RYR3: variants seen among roughly 807,000 people sequenced by gnomAD.
RYR3 encodes brain ryanodine receptor-calcium release channel.
In RYR3, 207 loss-of-function variants were observed where a neutral mutation model predicts 584.3. The ratio of observed to expected loss-of-function variants is 0.35; its 90% CI spans 0.32 to 0.40. The LOEUF (loss-of-function observed/expected upper bound fraction) is 0.40, where lower values mean the gene tolerates loss of function less well. Ranked by LOEUF, RYR3 falls within the 10% of genes least tolerant of loss-of-function variation. The pLI is 1.00. For missense variants in RYR3, 5,616 were observed against 6,089.2 expected (o/e 0.92, Z 2.59); for synonymous variants, 2,416 against 2,248.5 (o/e 1.07, Z -2.11).
intron 2 of RYR3, among the ~76,000 whole-genome samples, chr15:33,483,156 C>G (rs974007596): frequency 6.6e-6 from 1 of 151,794 alleles, no homozygotes; most frequent in Non-Finnish European, 1.5e-5. Flanking sequence ...TAAGATTCTT[C>G]TTTCTCCTCC....
At chr15:33,509,367 G>C (rs899847421) in intron 3 of RYR3, among the ~76,000 whole-genome samples, 1 of 152,056 alleles carries the variant, frequency 6.6e-6, no homozygotes, top group East Asian at 1.9e-4. Context: ...AGAAGAAAAG[G>C]GGAACCACCA....
At chr15:33,443,222 G>A (rs1471663109) in intron 1 of RYR3, among the ~76,000 whole-genome samples, 8 of 150,724 alleles carry the variant, frequency 5.3e-5, no homozygotes, top group East Asian at 2.0e-4. Flanking sequence ...TTGCACCACT[G>A]CACTCCAGCC....
intron 70 of RYR3, 53 bp downstream of exon 70, chr15:33,807,622 G>A: frequency 3.3e-6 from 5 of 1,523,936 alleles, no homozygotes; most frequent in Non-Finnish European, 4.5e-6. Flanking sequence ...AGAGGTGCCG[G>A]GCTCTGGCCC....
At chr15:33,340,439 G>A (rs531859749) in intron 1 of RYR3, among the ~76,000 whole-genome samples, 11 of 152,300 alleles carry the variant, frequency 7.2e-5, no homozygotes, top group South Asian at 4.1e-4. Flanking sequence ...AAGACATGGC[G>A]TGTTAGCCTG....
At chr15:33,360,234 A>G (rs1974573754) in intron 1 of RYR3, among the ~76,000 whole-genome samples, 1 of 152,132 alleles carries the variant, frequency 6.6e-6, no homozygotes, top group Admixed American at 6.5e-5. Context: ...CAGTCGTGAG[A>G]TAGGACAGTT....
At chr15:33,500,534 G>C (rs1341136047) in intron 2 of RYR3, among the ~76,000 whole-genome samples, 1 of 152,186 alleles carries the variant, frequency 6.6e-6, no homozygotes, top group South Asian at 2.1e-4. Flanking sequence ...GCCTCTCAAG[G>C]TTTCCTGTAG....
chr15:33,645,345 C>T (rs959876227), intron 28 of RYR3, among the ~76,000 whole-genome samples: 2 of 152,114 alleles, frequency 1.3e-5, no homozygotes, highest in Admixed American at 6.5e-5. Flanking sequence ...AAAAAAAATG[C>T]CAGACAAATC....
chr15:33,371,715 C>T (rs2040345941), intron 1 of RYR3, among the ~76,000 whole-genome samples: 2 of 152,162 alleles, frequency 1.3e-5, no homozygotes, highest in Non-Finnish European at 2.9e-5. Flanking sequence ...TTTCTGGGAA[C>T]CAATGACTGA....
chr15:33,737,907 T>C (rs1196438870), intron 49 of RYR3, among the ~76,000 whole-genome samples: 1 of 151,998 alleles, frequency 6.6e-6, no homozygotes, highest in Admixed American at 6.6e-5. Flanking sequence ...GATGTGAAAC[T>C]GCTGTAAAGT....
chr15:33,347,430 T>C (rs1407425047), intron 1 of RYR3, among the ~76,000 whole-genome samples: 1 of 151,994 alleles, frequency 6.6e-6, no homozygotes, highest in African/African-American at 2.4e-5. Flanking sequence ...TCATGTTGTG[T>C]CAGATTTGGA....
intron 74 of RYR3, among the ~76,000 whole-genome samples, chr15:33,814,637 T>C (rs966320713): frequency 2.0e-5 from 3 of 152,024 alleles, no homozygotes; most frequent in African/African-American, 7.2e-5. Context: ...AGTGGCTCAC[T>C]CCTGTAATCC....
chr15:33,789,959 C>G (rs181174717), intron 67 of RYR3, among the ~76,000 whole-genome samples: 34 of 139,568 alleles, frequency 2.4e-4, no homozygotes, highest in African/African-American at 7.8e-4. Flanking sequence ...TTACAGATTA[C>G]AGGCGTGAGC....
At chr15:33,559,052 C>T (rs1470062623) in intron 10 of RYR3, among the ~76,000 whole-genome samples, 1 of 152,066 alleles carries the variant, frequency 6.6e-6, no homozygotes, top group African/African-American at 2.4e-5. Flanking sequence ...TGGTACCGGC[C>T]CTGGGGAGAT....
At position 33,834,904 on chromosome 15, in the gene RYR3, A is replaced by C. The variant is rs887226431; in HGVS notation, c.11464-64A>C. 11 of 1,301,674 alleles carry C rather than the reference A, an allele frequency of 8.5e-6. No individual in the cohort carries two copies. In the Admixed American group the frequency reaches 2.0e-4, roughly 23 times the overall value. 80.6% of individuals were successfully genotyped at this position (1,301,674 alleles called of 1,614,324 possible). Reference sequence around the variant, plus strand: ...ATATAAGTAGGTATCAGATGCCCTTACTAGACAGGTTTCAGAGCAACTTGT... The same window carrying C: ...ATATAAGTAGGTATCAGATGCCCTTCCTAGACAGGTTTCAGAGCAACTTGT... On this transcript the variant is annotated intron_variant, in intron 86 of 103. Transcript: ENST00000634891.
At chr15:33,325,735 TTCCTTCC>T (rs1969597995) in intron 1 of RYR3, among the ~76,000 whole-genome samples, 1 of 45,198 alleles carries the variant, frequency 2.2e-5, no homozygotes, top group African/African-American at 1.5e-4. Flanking sequence ...TCTTCCTTCC[TTCCTTCC>T]TTCCTTCCTT....
chr15:33,707,831 T>C (rs1320508831), intron 43 of RYR3, among the ~76,000 whole-genome samples: 6 of 152,190 alleles, frequency 3.9e-5, no homozygotes, highest in Non-Finnish European at 5.9e-5. Context: ...TCTAAGAATT[T>C]GTCTCAAAAT....
chr15:33,666,986 G>A (rs2063524622), intron 36 of RYR3, among the ~76,000 whole-genome samples: 1 of 152,086 alleles, frequency 6.6e-6, no homozygotes, highest in African/African-American at 2.4e-5. Flanking sequence ...TTATTTAATC[G>A]ACAACAAATC....
chr15:33,548,678 C>T (rs1396377307), intron 9 of RYR3, among the ~76,000 whole-genome samples: 3 of 152,190 alleles, frequency 2.0e-5, no homozygotes, highest in Non-Finnish European at 4.4e-5. Flanking sequence ...CTTACTAGAA[C>T]TTTTCAGAGA....
Position 33,419,871 on chromosome 15 carries a change from T to G in RYR3, c.52-53548T>G, listed in dbSNP as rs571039304. Among the ~76,000 whole-genome samples the G allele has an allele frequency of 8.5e-5, 13 of 152,264 alleles. No homozygotes were observed. The South Asian group carries it at 2.7e-3, about 32-fold the overall frequency. On this transcript the variant is annotated intron_variant, in intron 1 of 103. Coordinates refer to ENST00000634891, the MANE Select transcript of RYR3 (RefSeq NM_001036.6). The stretch of plus-strand genomic sequence containing the variant: ...TATGTATAAAATCCCCATGTAACTT[T>G]ACCAGGCATCTGCAGTACAAGGACA...
Sources: gnomAD v4.1 joint callset for allele counts (sites outside exome capture counted in the v4.1 genomes callset) on GRCh38, gnomAD v4.1.1 for gene constraint, MANE v1.5 for transcripts, NCBI Gene and HGNC (gene_info 2026-07-23, HGNC 2026-07-21) for gene names.